Variants in SHLD1 observed in about 807,000 individuals in gnomAD.
The protein encoded by SHLD1 is RINN1-REV7-interacting novel NHEJ regulator 3.
Under a neutral mutation model 5.5 loss-of-function variants are expected in SHLD1, and 3 were observed. The ratio of observed to expected loss-of-function variants is 0.54; its 90% CI spans 0.25 to 1.40. The LOEUF (loss-of-function observed/expected upper bound fraction) is 1.40, where lower values mean the gene tolerates loss of function less well. SHLD1 is among the 40% of genes most tolerant of loss of function. SHLD1 has a pLI of 0.15. For synonymous variants in SHLD1, 92 were observed against 94.3 expected (o/e 0.98, Z 0.14); for missense variants, 210 against 244.4 (o/e 0.86, Z 0.94).
At chr20:5,820,051 G>A (rs2087588456) in intron 2 of SHLD1, among the ~76,000 whole-genome samples, 1 of 152,210 alleles carries the variant, frequency 6.6e-6, no homozygotes, top group Non-Finnish European at 1.5e-5. Context: ...GGGTTCAAGT[G>A]ATTATCCCGC....
chr20:5,797,025 A>C (rs1328362510), intron 2 of SHLD1, among the ~76,000 whole-genome samples: 1 of 152,192 alleles, frequency 6.6e-6, no homozygotes, highest in African/African-American at 2.4e-5. Flanking sequence ...TCAGCATATT[A>C]GGAAGAATTG....
At chr20:5,803,712 TA>T (rs11477967) in intron 2 of SHLD1, among the ~76,000 whole-genome samples, 9,743 of 147,664 alleles carry the variant, frequency 0.066, 466 homozygotes, top group African/African-American at 0.13. Context: ...CTACTAAAAA[TA>T]AAAAAAAAAT....
intron 1 of SHLD1, among the ~76,000 whole-genome samples, chr20:5,771,100 C>T (rs1450702440): frequency 6.6e-6 from 1 of 152,196 alleles, no homozygotes; most frequent in Non-Finnish European, 1.5e-5. Context: ...GTTCTTTGCT[C>T]TGTACACTAT....
rs775686862 is a variant in SHLD1 at position 5,773,096 on chromosome 20, G to A, written c.178+53G>A. 8.3e-6 allele frequency: 13 copies of A among 1,574,428 alleles called. No individual in the cohort carries two copies. In the East Asian group the frequency reaches 1.6e-4, roughly 19 times the overall value. ...ACTTAAAAACAACTAGCAGCAATAC[G>A]GGTGTGTGATAGTTTGTTTCTCTCT... On this transcript the variant is annotated intron_variant, in intron 2 of 2. Transcript: ENST00000303142.
At chr20:5,771,051 G>A (rs1212766657) in intron 1 of SHLD1, among the ~76,000 whole-genome samples, 1 of 152,118 alleles carries the variant, frequency 6.6e-6, no homozygotes, top group Non-Finnish European at 1.5e-5. Flanking sequence ...TAGAACACAA[G>A]CATAAATAAT....
intron 2 of SHLD1, among the ~76,000 whole-genome samples, chr20:5,837,485 GC>G (rs1462015080): frequency 6.6e-6 from 1 of 151,414 alleles, no homozygotes; most frequent in Non-Finnish European, 1.5e-5. Context: ...CCTCCAACAG[GC>G]CCCGCTGTGT....
Position 5,807,494 on chromosome 20 carries a change from C to T in SHLD1, c.178+34451C>T, listed in dbSNP as rs1041779600. On this transcript the variant is annotated intron_variant, in intron 2 of 2. Transcript: ENST00000303142. Reference sequence around the variant, plus strand: ...CAAGCCATCCTCCTGCCTCAGTCTCCTGTGTAGCTGGGACTACAGGTGTGT... The same window carrying T: ...CAAGCCATCCTCCTGCCTCAGTCTCTTGTGTAGCTGGGACTACAGGTGTGT... Among the ~76,000 whole-genome samples the T allele has an allele frequency of 2.0e-5, 3 of 152,230 alleles. 1 individual carries two copies. The East Asian group carries it at 5.8e-4, about 29-fold the overall frequency.
intron 2 of SHLD1, among the ~76,000 whole-genome samples, chr20:5,851,844 T>C (rs545607673): frequency 1.3e-5 from 2 of 152,048 alleles, no homozygotes; most frequent in East Asian, 1.9e-4. Flanking sequence ...TTTAATTAAA[T>C]TTTAATTTAA....
At chr20:5,847,953 G>A (rs1207136536) in intron 2 of SHLD1, among the ~76,000 whole-genome samples, 1 of 152,126 alleles carries the variant, frequency 6.6e-6, no homozygotes, top group East Asian at 1.9e-4. Flanking sequence ...GTTCACTGAG[G>A]CCTTATTTGT....
rs965910410 is a variant in SHLD1, at chr20:5,763,872, G to C, written c.-4-8990G>C. Reference sequence around the variant, plus strand: ...GCCTGTAATCCCAGCACTTTGAGAGGCTGAGGTGGGTGGATCACTTGAGGT... The same window carrying C: ...GCCTGTAATCCCAGCACTTTGAGAGCCTGAGGTGGGTGGATCACTTGAGGT... On this transcript the variant is annotated intron_variant, in intron 1 of 2. Transcript: ENST00000303142. Among the ~76,000 whole-genome samples, 5 of 150,194 alleles carry C rather than the reference G, an allele frequency of 3.3e-5. No individual in the cohort carries two copies. The East Asian group carries it at 7.8e-4, about 24-fold the overall frequency.
At chr20:5,787,880 C>T (rs1429401607) in intron 2 of SHLD1, among the ~76,000 whole-genome samples, 3 of 152,142 alleles carry the variant, frequency 2.0e-5, no homozygotes, top group African/African-American at 4.8e-5. Context: ...ATTACATAAG[C>T]CCTGCAGATT....
chr20:5,831,382 A>G lies in SHLD1; in HGVS notation c.179-31642A>G, dbSNP rs76075212. On this transcript the variant is annotated intron_variant, in intron 2 of 2. Transcript: ENST00000303142. ...TTCTGTTCTCTGTAAGCTGTAATTT[A>G]CAGCCATCATCAAAAGAGCATAGTT... is the stretch of plus-strand genomic sequence containing the variant. Among the ~76,000 whole-genome samples the G allele has an allele frequency of 2.0e-5, 3 of 152,340 alleles. No homozygotes were observed. In the East Asian group the frequency reaches 5.8e-4, roughly 29 times the overall value.
At chr20:5,753,181 A>G (rs1405304811) in intron 1 of SHLD1, among the ~76,000 whole-genome samples, 2 of 152,228 alleles carry the variant, frequency 1.3e-5, no homozygotes, top group East Asian at 1.9e-4. Context: ...GATAAGCCAC[A>G]TTATACCAGG....
rs757802780 is a variant in SHLD1 at position 5,804,353 on chromosome 20, A to AAC, written c.178+31310_178+31311insAC. The stretch of plus-strand genomic sequence containing the variant: ...CATTTGTATATCGCAAAAAAAAACT[A>AAC]TATATATATATACAGTTACTGTAAG... On this transcript the variant is annotated intron_variant, in intron 2 of 2. Transcript: ENST00000303142. Among the ~76,000 whole-genome samples the AAC allele has an allele frequency of 8.6e-3, 824 of 95,664 alleles. 5 individuals are homozygous for AAC. The highest frequency in any genetic ancestry group is 0.036 in the African/African-American group (756 of 21,094). The allele number at this position is 95,664 out of a possible 152,430, so 62.8% of individuals were successfully genotyped here. A position where few individuals can be genotyped will look rare whatever the true frequency, so the allele number is the denominator to read the frequency against.
At chr20:5,808,645 C>A (rs1307712581) in intron 2 of SHLD1, among the ~76,000 whole-genome samples, 1 of 152,004 alleles carries the variant, frequency 6.6e-6, no homozygotes, top group Non-Finnish European at 1.5e-5. Flanking sequence ...TTAGATTGAC[C>A]CATGTTTTTA....
chr20:5,861,566 C>A (rs555291964), intron 2 of SHLD1, among the ~76,000 whole-genome samples: 42 of 152,312 alleles, frequency 2.8e-4, no homozygotes, highest in African/African-American at 1.0e-3. Context: ...TTAGAATGTG[C>A]TGATAACTTC....
intron 2 of SHLD1, among the ~76,000 whole-genome samples, chr20:5,784,487 G>A (rs2087029510): frequency 6.6e-6 from 1 of 151,690 alleles, no homozygotes; most frequent in South Asian, 2.1e-4. Context: ...AGTCTCCTCT[G>A]CTGTCCAGGC....
chr20:5,820,177 C>T (rs1232088782), intron 2 of SHLD1, among the ~76,000 whole-genome samples: 2 of 152,114 alleles, frequency 1.3e-5, no homozygotes, highest in African/African-American at 4.8e-5. Flanking sequence ...GTCTCCTGAC[C>T]TCAGGTGATC....
Position 5,806,733 on chromosome 20 carries a change from C to T in SHLD1, c.178+33690C>T, listed in dbSNP as rs1449272758. On this transcript the variant is annotated intron_variant, in intron 2 of 2. Transcript: ENST00000303142. The surrounding 1 kb of genome is among the most constrained non-coding windows in gnomAD (Gnocchi z 7.6). Reference sequence around the variant, plus strand: ...TTGGCTTTGTTAACCACCTTGGCTGCCCGTGATGCACTGATCAGTTAAGAT... The same window carrying T: ...TTGGCTTTGTTAACCACCTTGGCTGTCCGTGATGCACTGATCAGTTAAGAT... Among the ~76,000 whole-genome samples, 2 of 152,164 alleles carry T rather than the reference C, an allele frequency of 1.3e-5. No homozygotes were observed. Among genetic ancestry groups the T allele is most frequent in the African/African-American group, 4.8e-5 (2 of 41,418 alleles).
Sources: allele counts gnomAD v4.1 joint callset (sites outside exome capture counted in the v4.1 genomes callset), GRCh38; gene constraint gnomAD v4.1.1; non-coding constraint Gnocchi (gnomAD v3.1); transcripts MANE v1.5; gene names NCBI Gene and HGNC (gene_info 2026-07-23, HGNC 2026-07-21).